The following ADAM15 variants were observed in gnomAD, a reference collection of about 807,000 sequenced individuals.
ADAM15 encodes ADAM metallopeptidase domain 15.
Under a neutral mutation model 113.8 loss-of-function variants are expected in ADAM15, and 77 were observed. The ratio of observed to expected loss-of-function variants is 0.68; its 90% CI spans 0.56 to 0.82. ADAM15 has a LOEUF of 0.82. Ranked by LOEUF, ADAM15 falls within the 40% of genes least tolerant of loss-of-function variation. The probability of loss-of-function intolerance (pLI) is 0.00; values close to 1 mark genes in which losing one functional copy is unlikely to be tolerated. For synonymous variants in ADAM15, 388 were observed against 454.1 expected, an observed-to-expected ratio of 0.85 and a Z score of 1.85; for missense variants, 963 against 1,120.1, an observed-to-expected ratio of 0.86 and a Z score of 2.00.
chr1:155,055,883 C>A, intron 7 of ADAM15, 31 bp downstream of exon 7: 1 of 1,614,194 alleles, frequency 6.2e-7, no homozygotes, highest in Non-Finnish European at 8.5e-7. Context: ...ACATCCTCCT[C>A]CCCCTGCACT....
chr1:155,055,995 G>A lies in ADAM15; in HGVS notation c.739G>A (p.Asp247Asn). ...CACACTGGAAGTGGCCCTCTTGCTG[G>A]ACACAGTGAGTGCTGGACAGGGCAA... ...NRTLEVALLL[D>N]TFFRPLNVRV... Residue 247 changes from aspartate (D) to asparagine (N), a missense_variant, in exon 8 of 23, where the codon GAC becomes AAC. Coordinates refer to ENST00000356955, the MANE Select transcript of ADAM15 (RefSeq NM_207197.3). 1 of 1,613,804 alleles carries A rather than the reference G, an allele frequency of 6.2e-7. No homozygotes were observed. Among genetic ancestry groups the A allele is most frequent in the South Asian group, 1.1e-5 (1 of 91,084 alleles).
In ADAM15 at chr1:155,062,374, G is replaced by A; in HGVS notation, c.2549+5G>A. 3 of 1,602,214 alleles carry A rather than the reference G, an allele frequency of 1.9e-6. No individual in the cohort carries two copies. Among genetic ancestry groups the A allele is most frequent in the East Asian group, 2.2e-5 (1 of 44,552 alleles). On this transcript the variant is annotated splice_donor_5th_base_variant and intron_variant, in intron 22 of 22. Coordinates refer to ENST00000356955, the MANE Select transcript of ADAM15 (RefSeq NM_207197.3). This position sits in a 1 kb window ranked among gnomAD's most constrained non-coding sequence, Gnocchi z 7.0. The stretch of plus-strand genomic sequence containing the variant: ...GCCCCTAGTGGTACCCTCCAGGTAG[G>A]AGGAGCCCTGGGCATGGGTGGGCGG...
Position 155,057,472 on chromosome 1 carries a change from C to A in ADAM15, c.1323+110C>A. On this transcript the variant is annotated intron_variant, in intron 12 of 22. Transcript: ENST00000356955. The surrounding 1 kb of genome is among the most constrained non-coding windows in gnomAD (Gnocchi z 5.0). Reference sequence around the variant, plus strand: ...TTGGGTTCTGAAGGGACTTTCCACCCCTCTCCTACTTGCCCTGTCTGTGGG... The same window carrying A: ...TTGGGTTCTGAAGGGACTTTCCACCACTCTCCTACTTGCCCTGTCTGTGGG... 6.6e-7 allele frequency: 1 copy of A among 1,514,084 alleles called. No individual in the cohort carries two copies. The highest frequency in any genetic ancestry group is 1.2e-5 in the South Asian group (1 of 83,210). 93.8% of individuals were successfully genotyped at this position (1,514,084 alleles called of 1,614,324 possible).
rs1318773116 is a variant in ADAM15, at chr1:155,057,097, A to T, written c.1144A>T (p.Thr382Ser). 6.4e-7 allele frequency: 1 copy of T among 1,570,936 alleles called. No homozygotes were observed. The highest frequency in any genetic ancestry group is 8.6e-7 in the Non-Finnish European group (1 of 1,156,282). Reference protein sequence around the residue: ...PAKTCIMEASTDFLPGLNFSN... With the variant: ...PAKTCIMEASSDFLPGLNFSN... ...CAAGACCTGCATCATGGAGGCCTCCACAGAGTAAGTAGCTGCAGGATGGAG... is the reference window on the plus strand; with the variant it reads ...CAAGACCTGCATCATGGAGGCCTCCTCAGAGTAAGTAGCTGCAGGATGGAG... The change falls in exon 11 of 23, where the codon ACA (threonine) becomes TCA (serine). Residue 382 changes from threonine to serine, a missense_variant. Transcript: ENST00000356955. This position sits in a 1 kb window ranked among gnomAD's most constrained non-coding sequence, Gnocchi z 5.0.
rs951253261 is a variant in ADAM15, at chr1:155,053,111, C to G, written c.187-306C>G. Among the ~76,000 whole-genome samples, 71 of 125,980 alleles carry G rather than the reference C, an allele frequency of 5.6e-4. 1 individual carries two copies. Among genetic ancestry groups the G allele is most frequent in the African/African-American group, 1.7e-3 (59 of 34,242 alleles). The allele number at this position is 125,980 out of a possible 152,430, so 82.6% of individuals were successfully genotyped here. On this transcript the variant is annotated intron_variant, in intron 2 of 22. Coordinates refer to ENST00000356955, the MANE Select transcript of ADAM15 (RefSeq NM_207197.3). ...AAAGAGTCAGGACCTTACCAAACCC[C>G]CCCCCCCCCACCCCATTCTAAAGCT...
At chr1:155,053,353 T>A in intron 2 of ADAM15, 64 bp from the exon 3 acceptor site, 1 of 1,492,230 alleles carries the variant, frequency 6.7e-7, no homozygotes, top group South Asian at 1.1e-5. Context: ...TGAGGTTTTC[T>A]GGTTAGAGAG....
intron 4 of ADAM15, 47 bp downstream of exon 4, chr1:155,054,035 A>C: frequency 1.2e-6 from 2 of 1,612,672 alleles, no homozygotes; most frequent in Non-Finnish European, 1.7e-6. Flanking sequence ...GGAAAGAGGG[A>C]GGGGGTGGCT....
Position 155,051,453 on chromosome 1 carries a change from C to G in ADAM15, c.67C>G (p.Leu23Val), listed in dbSNP as rs759667364. ...GGGCAGCCCTCTGCCTTCCTGGCCG[C>G]TCCCAAATATAGGTGAGTCCTCCGC... ...GAGSPLPSWP[L>V]PNIGGTEEQQ... Residue 23 changes from leucine (L) to valine (V), a missense_variant, in exon 1 of 23, where the codon CTC becomes GTC. Physicochemically the swap from Leu to Val is conservative, Grantham distance 32. Transcript: ENST00000356955. 3.2e-6 allele frequency: 5 copies of G among 1,567,194 alleles called. No homozygotes were observed. In the East Asian group the frequency reaches 1.3e-4, roughly 39 times the overall value.
Position 155,057,935 on chromosome 1 carries a change from C to T in ADAM15, c.1501C>T (p.Pro501Ser). 1.2e-6 allele frequency: 2 copies of T among 1,612,496 alleles called. No individual in the cohort carries two copies. Among genetic ancestry groups the T allele is most frequent in the South Asian group, 2.2e-5 (2 of 91,088 alleles). ...EFCPGDSSQCPPDVSLGDGEP... is the reference protein window; with the variant it reads ...EFCPGDSSQCSPDVSLGDGEP... ...CTGCCCAGGAGACAGCTCCCAGTGT[C>T]CCCCTGATGTCAGCCTAGGGGATGG... The change falls in exon 14 of 23, where the codon CCC becomes TCC. Residue 501 changes from proline to serine, a missense_variant. Transcript: ENST00000356955. This position sits in a 1 kb window ranked among gnomAD's most constrained non-coding sequence, Gnocchi z 5.0.
chr1:155,061,706 G>A, intron 20 of ADAM15, 198 bp from the exon 21 acceptor site: 1 of 771,414 alleles, frequency 1.3e-6, no homozygotes, highest in Non-Finnish European at 2.0e-6. Flanking sequence ...ACTGCAGTCG[G>A]CCAGGGACTG....
intron 6 of ADAM15, 66 bp from the exon 7 acceptor site, chr1:155,055,724 T>C: frequency 1.3e-6 from 2 of 1,572,768 alleles, no homozygotes; most frequent in Non-Finnish European, 1.8e-6. Context: ...TGCCTCTTGG[T>C]CAGCCCGGCA....
intron 2 of ADAM15, 58 bp from the exon 3 acceptor site, chr1:155,053,359 G>C (rs752933967): frequency 1.3e-5 from 20 of 1,525,960 alleles, no homozygotes; most frequent in Non-Finnish European, 1.7e-5. Flanking sequence ...TTTCTGGTTA[G>C]AGAGGCTGGG....
At chr1:155,053,597 C>T (rs1661378135) in intron 3 of ADAM15, 104 bp downstream of exon 3, 2 of 1,188,502 alleles carry the variant, frequency 1.7e-6, no homozygotes, top group East Asian at 4.8e-5. Flanking sequence ...ATCCTCATAA[C>T]AGCCCTATAA....
rs760849719 is a variant in ADAM15 at position 155,052,614 on chromosome 1, C to T, written c.80-57C>T. Reference sequence around the variant, plus strand: ...TGGTGGATCTGAGGGCACCTGTCACCCCCAGCCCTGCTGTCGATTCCCTCA... The same window carrying T: ...TGGTGGATCTGAGGGCACCTGTCACTCCCAGCCCTGCTGTCGATTCCCTCA... On this transcript the variant is annotated intron_variant, in intron 1 of 22. Transcript: ENST00000356955. 16 of 1,556,888 alleles carry T rather than the reference C, an allele frequency of 1.0e-5. No homozygotes were observed. The East Asian group carries it at 3.8e-4, about 37-fold the overall frequency.
Position 155,058,242 on chromosome 1 carries a change from A to G in ADAM15, c.1722-4A>G, listed in dbSNP as rs745750425. On this transcript the variant is annotated splice_region_variant and splice_polypyrimidine_tract_variant and intron_variant, in intron 14 of 22. Transcript: ENST00000356955. This position sits in a 1 kb window ranked among gnomAD's most constrained non-coding sequence, Gnocchi z 4.3. ...ACTCTGTGTGCCCTTCCCCCTCCCC[A>G]CAGAGATGCCATTTGTGGGCAGCTC... 1.2e-6 allele frequency: 2 copies of G among 1,613,894 alleles called. No individual in the cohort carries two copies. Among genetic ancestry groups the G allele is most frequent in the South Asian group, 2.2e-5 (2 of 91,058 alleles).
intron 18 of ADAM15, among the ~76,000 whole-genome samples, 178 bp from the exon 19 acceptor site, chr1:155,060,585 G>C (rs1662434333): frequency 6.6e-6 from 1 of 152,162 alleles, no homozygotes; most frequent in East Asian, 1.9e-4. Context: ...CCCTGTGCTG[G>C]ATAAGTAGGG....
chr1:155,054,430 G>T lies in ADAM15; in HGVS notation c.536G>T (p.Cys179Phe). ...IQDLHLPGHTCALSWRESVHT... is the reference protein window; with the variant it reads ...IQDLHLPGHTFALSWRESVHT... ...GATCTCCACCTGCCAGGCCACACCTGTGCCCTGAGCTGGCGGGAATCTGTA... is the reference window on the plus strand; with the variant it reads ...GATCTCCACCTGCCAGGCCACACCTTTGCCCTGAGCTGGCGGGAATCTGTA... Residue 179 changes from cysteine to phenylalanine, a missense_variant, in exon 6 of 23, where the codon TGT becomes TTT. Physicochemically the swap from Cys to Phe is radical, Grantham distance 205. Transcript: ENST00000356955. The T allele has an allele frequency of 6.2e-7, 1 of 1,613,830 alleles. No homozygotes were observed.
In ADAM15 at chr1:155,061,472, G is replaced by C. The variant is rs530220807; in HGVS notation, c.2335G>C (p.Val779Leu). The C allele has an allele frequency of 1.2e-6, 2 of 1,613,528 alleles. No homozygotes were observed. The highest frequency in any genetic ancestry group is 2.7e-5 in the African/African-American group (2 of 74,886). ...PPSRPLPPDPVSKRLQAELAD... is the reference protein window; with the variant it reads ...PPSRPLPPDPLSKRLQAELAD... The stretch of plus-strand genomic sequence containing the variant: ...TTCCAGGCCGCTGCCGCCTGACCCT[G>C]TGTCCAAGAGACTCCAGGTAAATCT... The change falls in exon 20 of 23, where the codon GTG becomes CTG. Residue 779 changes from valine (V) to leucine (L), a missense_variant. Transcript: ENST00000356955.
rs747935642 is a variant in ADAM15 at position 155,057,916 on chromosome 1, A to G, written c.1482A>G (p.Pro494=). The G allele has an allele frequency of 4.3e-6, 7 of 1,612,714 alleles. No homozygotes were observed. The highest frequency in any genetic ancestry group is 1.7e-6 in the Non-Finnish European group (2 of 1,180,012). The change falls in exon 14 of 23, where the codon CCA becomes CCG. Residue 494 remains proline (P), a synonymous_variant. Coordinates refer to ENST00000356955, the MANE Select transcript of ADAM15 (RefSeq NM_207197.3). The surrounding 1 kb of genome is among the most constrained non-coding windows in gnomAD (Gnocchi z 5.0). ...RGDCDLPEFC[P]GDSSQCPPDV... is the part of the protein sequence containing the mutation. Reference sequence around the variant, plus strand: ...ATTGTGACTTGCCTGAATTCTGCCCAGGAGACAGCTCCCAGTGTCCCCCTG... The same window carrying G: ...ATTGTGACTTGCCTGAATTCTGCCCGGGAGACAGCTCCCAGTGTCCCCCTG...
Sources: gnomAD v4.1 joint callset for allele counts (sites outside exome capture counted in the v4.1 genomes callset) on GRCh38, gnomAD v4.1.1 for gene constraint, Gnocchi (gnomAD v3.1) non-coding constraint, MANE v1.5 for transcripts, NCBI Gene and HGNC (gene_info 2026-07-23, HGNC 2026-07-21) for gene names.